Variants in NEBL observed in about 807,000 individuals in gnomAD.
The protein encoded by NEBL is nebulette.
NEBL carries 122 observed loss-of-function variants against 140.2 expected under a neutral mutation model. That is an observed-to-expected ratio of 0.87 (90% CI 0.75 to 1.01). The LOEUF (loss-of-function observed/expected upper bound fraction) is 1.01. Ranked by LOEUF, NEBL falls within the 50% of genes least tolerant of loss-of-function variation. The pLI is 0.00. For missense variants in NEBL, 1,365 were observed against 1,231.3 expected (o/e 1.11, Z -1.62); for synonymous variants, 436 against 398.9 (o/e 1.09, Z -1.11).
intron 4 of NEBL, among the ~76,000 whole-genome samples, chr10:20,940,729 C>T (rs913740422): frequency 6.7e-6 from 1 of 150,096 alleles, no homozygotes; most frequent in Non-Finnish European, 1.5e-5. Flanking sequence ...ATCAAATAGA[C>T]ACAATAAAAA....
Position 20,810,369 on chromosome 10 carries a change from A to G in NEBL, c.2519-471T>C, listed in dbSNP as rs552373806. Among the ~76,000 whole-genome samples, 147 of 139,898 alleles carry G rather than the reference A, an allele frequency of 1.1e-3. 1 individual carries two copies. Among genetic ancestry groups the G allele is most frequent in the Middle Eastern group, 3.5e-3 (1 of 286 alleles). 91.8% of individuals were successfully genotyped at this position (139,898 alleles called of 152,430 possible). On this transcript the variant is annotated intron_variant, in intron 24 of 27. Transcript: ENST00000377122. ...TTTATGTTTAAAAAACAAAACAAAC[A>G]AAAAAAAAGTCCCTTTCTATAACAG...
chr10:21,086,718 A>C (rs1008107427), intron 2 of NEBL, among the ~76,000 whole-genome samples: 1 of 152,218 alleles, frequency 6.6e-6, no homozygotes, highest in Non-Finnish European at 1.5e-5. Context: ...TGGAGGTTGC[A>C]GTGAGCCATG....
In NEBL at chr10:21,173,396, C is replaced by T. The variant is rs1164151527; in HGVS notation, c.69+369G>A. ...GCGGGCGGATCTGTGGGGCGGGGGG[C>T]GGGGGTATTGTGGAACACGAGTGGA... On this transcript the variant is annotated intron_variant, in intron 1 of 6. Coordinates refer to the NEBL transcript ENST00000417816. This position sits in a 1 kb window ranked among gnomAD's most constrained non-coding sequence, Gnocchi z 5.7. 1.6e-5 allele frequency among the ~76,000 whole-genome samples: 2 copies of T among 122,744 alleles called. No individual in the cohort carries two copies. Among genetic ancestry groups the T allele is most frequent in the Admixed American group, 1.6e-4 (2 of 12,250 alleles). The allele number at this position is 122,744 out of a possible 152,430, so 80.5% of individuals were successfully genotyped here.
intron 5 of NEBL, among the ~76,000 whole-genome samples, chr10:20,875,495 G>A (rs1367173714): frequency 6.6e-6 from 1 of 152,190 alleles, no homozygotes; most frequent in African/African-American, 2.4e-5. Context: ...TTATTCTGCA[G>A]GTATAGGCAG....
rs35627113 is a variant in NEBL at position 20,992,765 on chromosome 10, C to CTTTTTTTTT, written c.249+27343_249+27351dup. Among the ~76,000 whole-genome samples, 16 of 52,464 alleles carry CTTTTTTTTT rather than the reference C, an allele frequency of 3.0e-4. 1 individual carries two copies. Among genetic ancestry groups the CTTTTTTTTT allele is most frequent in the East Asian group, 2.1e-3 (3 of 1,414 alleles). The allele number at this position is 52,464 out of a possible 152,430, so 34.4% of individuals were successfully genotyped here. A position where few individuals can be genotyped will look rare whatever the true frequency, so the allele number is the denominator to read the frequency against. Reference sequence around the variant, plus strand: ...AATCAGTCATTTGCAACTACAAAGTCTTTTTTTTTTTTTTTTTTTTTTTTT... The same window carrying CTTTTTTTTT: ...AATCAGTCATTTGCAACTACAAAGTCTTTTTTTTTTTTTTTTTTTTTTTTTTTTTTTTTT... On this transcript the variant is annotated intron_variant, in intron 3 of 6. Transcript: ENST00000417816.
At chr10:21,193,633 A>G (rs1841608940) in intron 3 of NEBL, among the ~76,000 whole-genome samples, 1 of 152,222 alleles carries the variant, frequency 6.6e-6, no homozygotes, top group African/African-American at 2.4e-5. Flanking sequence ...AGAAAAAGGT[A>G]TGAATTCCAC....
At chr10:21,143,149 G>T (rs1839722363) in intron 2 of NEBL, among the ~76,000 whole-genome samples, 1 of 151,990 alleles carries the variant, frequency 6.6e-6, no homozygotes, top group Non-Finnish European at 1.5e-5. Flanking sequence ...TCAAAGGGAG[G>T]TTAAACTTTA....
At chr10:21,125,223 C>CAT (rs72062179) in intron 2 of NEBL, among the ~76,000 whole-genome samples, 4 of 149,186 alleles carry the variant, frequency 2.7e-5, no homozygotes, top group African/African-American at 1.0e-4. Flanking sequence ...TGCACACATG[C>CAT]ATATACACAC....
intron 4 of NEBL, among the ~76,000 whole-genome samples, chr10:20,937,709 A>T (rs566559802): frequency 6.6e-6 from 1 of 152,276 alleles, no homozygotes; most frequent in South Asian, 2.1e-4. Context: ...GGGGTGACAG[A>T]TGGCACCTGG....
intron 12 of NEBL, 34 bp from the exon 13 acceptor site, chr10:20,840,883 G>T: frequency 8.1e-7 from 1 of 1,239,650 alleles, no homozygotes; most frequent in Non-Finnish European, 1.2e-6. Flanking sequence ...TCAAAACTTA[G>T]CAGGAATCAC....
intron 3 of NEBL, among the ~76,000 whole-genome samples, chr10:20,973,632 T>A (rs1564467471): frequency 6.6e-6 from 1 of 152,208 alleles, no homozygotes; most frequent in Non-Finnish European, 1.5e-5. Flanking sequence ...GTAATGGTCC[T>A]GAGCCTCTTT....
intron 14 of NEBL, among the ~76,000 whole-genome samples, chr10:20,832,806 T>C (rs781499584): frequency 3.3e-5 from 5 of 152,182 alleles, no homozygotes; most frequent in Non-Finnish European, 7.4e-5. Context: ...CTTCCACTCA[T>C]AATCCTTCCT....
chr10:20,792,792 T>C (rs999579878), intron 26 of NEBL, among the ~76,000 whole-genome samples: 1 of 147,110 alleles, frequency 6.8e-6, no homozygotes, highest in African/African-American at 2.5e-5. Context: ...AAGAGCAAAA[T>C]AATTCTGTCT....
In NEBL at chr10:20,812,917, T is replaced by C. The variant is rs1838316388; in HGVS notation, c.2370A>G (p.Glu790=). ...ISMVKYHEDF[E]KTKGRGFTPV... ...GAGTAAAGCCTCTCCCCTTTGTTTT[T>C]TCAAAATCTTCATGGTATTTTACCT... Residue 790 remains glutamate (E), a synonymous_variant, in exon 24 of 28, where the codon GAA becomes GAG. Coordinates refer to ENST00000377122, the MANE Select transcript of NEBL (RefSeq NM_006393.3). 2 of 1,613,818 alleles carry C rather than the reference T, an allele frequency of 1.2e-6. No individual in the cohort carries two copies. The highest frequency in any genetic ancestry group is 1.7e-6 in the Non-Finnish European group (2 of 1,179,922).
chr10:20,913,565 G>T (rs184653174), intron 4 of NEBL, among the ~76,000 whole-genome samples: 1 of 152,110 alleles, frequency 6.6e-6, no homozygotes, highest in African/African-American at 2.4e-5. Flanking sequence ...AAAATGTTCA[G>T]TTTACTGGAA....
At chr10:21,151,461 A>G (rs959190721) in intron 2 of NEBL, among the ~76,000 whole-genome samples, 2 of 152,186 alleles carry the variant, frequency 1.3e-5, no homozygotes, top group South Asian at 2.1e-4. Flanking sequence ...CACACACACA[A>G]AAGTCCTTTT....
intron 3 of NEBL, among the ~76,000 whole-genome samples, chr10:21,005,653 G>A (rs1391185247): frequency 6.6e-6 from 1 of 152,108 alleles, no homozygotes; most frequent in African/African-American, 2.4e-5. Context: ...AGGACCACTT[G>A]AGCCCAGGAA....
chr10:21,108,530 T>C (rs559221877), intron 2 of NEBL, among the ~76,000 whole-genome samples: 102 of 152,318 alleles, frequency 6.7e-4, no homozygotes, highest in Non-Finnish European at 1.2e-3. Flanking sequence ...TGAGAGACAG[T>C]TTGTTGTGAT....
At chr10:20,869,508 T>G (rs989188857) in intron 6 of NEBL, among the ~76,000 whole-genome samples, 2 of 152,192 alleles carry the variant, frequency 1.3e-5, no homozygotes, top group Admixed American at 6.6e-5. Flanking sequence ...AGTATTTATT[T>G]CTCTAAAAGT....
Sources: allele counts gnomAD v4.1 joint callset (sites outside exome capture counted in the v4.1 genomes callset), GRCh38; gene constraint gnomAD v4.1.1; non-coding constraint Gnocchi (gnomAD v3.1); transcripts MANE v1.5; gene names NCBI Gene and HGNC (gene_info 2026-07-23, HGNC 2026-07-21).